Variants in ABCB5 observed in about 807,000 individuals in gnomAD.
The protein encoded by ABCB5 is ATP-binding cassette sub-family B member 5.
In ABCB5, 155 loss-of-function variants were observed where a neutral mutation model predicts 144.2. The ratio of observed to expected loss-of-function variants is 1.08; its 90% CI spans 0.94 to 1.23. ABCB5 has a LOEUF of 1.23. ABCB5 is among the 50% of genes most tolerant of loss of function. The probability of loss-of-function intolerance (pLI) is 0.00; values close to 1 mark genes in which losing one functional copy is unlikely to be tolerated. For synonymous variants in ABCB5, 610 were observed against 528.6 expected (o/e 1.15, Z -2.11); for missense variants, 1,830 against 1,520.8 (o/e 1.20, Z -3.38).
Position 20,658,590 on chromosome 7 carries a change from C to G in ABCB5, c.1621C>G (p.Arg541Gly), listed in dbSNP as rs760961508. 3 of 1,614,096 alleles carry G rather than the reference C, an allele frequency of 1.9e-6. No individual in the cohort carries two copies. The highest frequency in any genetic ancestry group is 1.7e-6 in the Non-Finnish European group (2 of 1,180,016). ...QRIAIARALV[R>G]NPKILILDEA... Reference sequence around the variant, plus strand: ...GATCGCAATTGCTCGTGCCTTAGTTCGAAACCCCAAGATTCTGATTTTAGA... The same window carrying G: ...GATCGCAATTGCTCGTGCCTTAGTTGGAAACCCCAAGATTCTGATTTTAGA... The change falls in exon 14 of 28, where the codon CGA becomes GGA. Residue 541 changes from arginine (R) to glycine (G), a missense_variant. Arg to Gly is a moderately radical substitution (Grantham distance 125). Coordinates refer to ENST00000404938, the MANE Select transcript of ABCB5 (RefSeq NM_001163941.2).
At chr7:20,714,878 T>G (rs61664241) in intron 20 of ABCB5, among the ~76,000 whole-genome samples, 17,892 of 152,200 alleles carry the variant, frequency 0.12, 1,904 homozygotes, top group African/African-American at 0.27. Flanking sequence ...ATTAGGTTGG[T>G]GTGTATAGTC....
At chr7:20,716,924 T>G (rs1781692199) in intron 20 of ABCB5, among the ~76,000 whole-genome samples, 1 of 152,080 alleles carries the variant, frequency 6.6e-6, no homozygotes, top group South Asian at 2.1e-4. Context: ...CCTTTCGCCA[T>G]CTACTCGATT....
rs1479757889 is a variant in ABCB5 at position 20,636,736 on chromosome 7, G to A, written c.314+4623G>A. Among the ~76,000 whole-genome samples, 4 of 127,270 alleles carry A rather than the reference G, an allele frequency of 3.1e-5. No homozygotes were observed. The South Asian group carries it at 9.8e-4, about 31-fold the overall frequency. The allele number at this position is 127,270 out of a possible 152,430, so 83.5% of individuals were successfully genotyped here. The stretch of plus-strand genomic sequence containing the variant: ...GGAGTTAGAGGTTGCAGTGAGCTGA[G>A]ATCACACCACTGCACTCAAGCCTCG... On this transcript the variant is annotated intron_variant, in intron 5 of 27. Coordinates refer to ENST00000404938, the MANE Select transcript of ABCB5 (RefSeq NM_001163941.2).
chr7:20,717,487 G>C (rs913096091), intron 20 of ABCB5, among the ~76,000 whole-genome samples: 13 of 148,192 alleles, frequency 8.8e-5, no homozygotes, highest in Admixed American at 2.0e-4. Flanking sequence ...CTGTCTCCCA[G>C]GCTGGACTGC....
rs1291970360 is a variant in ABCB5, at chr7:20,697,687, C to T, written c.2011-720C>T. 1.3e-5 allele frequency among the ~76,000 whole-genome samples: 2 copies of T among 152,158 alleles called. 1 individual carries two copies. The highest frequency in any genetic ancestry group is 2.9e-5 in the Non-Finnish European group (2 of 68,026). ...TGAAATTTTGTGTAACATAATCCTTCCTCTGTAATAACATCAGAAACAGCA... is the reference window on the plus strand; with the variant it reads ...TGAAATTTTGTGTAACATAATCCTTTCTCTGTAATAACATCAGAAACAGCA... On this transcript the variant is annotated intron_variant, in intron 16 of 27. Coordinates refer to ENST00000404938, the MANE Select transcript of ABCB5 (RefSeq NM_001163941.2).
intron 5 of ABCB5, among the ~76,000 whole-genome samples, chr7:20,638,657 G>C (rs1308555526): frequency 6.6e-6 from 1 of 152,126 alleles, no homozygotes; most frequent in East Asian, 1.9e-4. Flanking sequence ...TACTGTTTTT[G>C]AGGTTCATCC....
chr7:20,687,238 T>C (rs1242306382), intron 16 of ABCB5, among the ~76,000 whole-genome samples: 2 of 152,188 alleles, frequency 1.3e-5, no homozygotes, highest in Non-Finnish European at 2.9e-5. Flanking sequence ...AATCTGCCTC[T>C]AGGTCTAAAA....
At chr7:20,636,775 A>G (rs958885700) in intron 5 of ABCB5, among the ~76,000 whole-genome samples, 2 of 129,080 alleles carry the variant, frequency 1.5e-5, no homozygotes, top group Admixed American at 1.6e-4. Flanking sequence ...ACAGAGCAAG[A>G]CTCCATCAAA....
Position 20,752,997 on chromosome 7 carries a change from C to T in ABCB5, c.3430-363C>T, listed in dbSNP as rs117858790. Among the ~76,000 whole-genome samples, 166 of 152,222 alleles carry T rather than the reference C, an allele frequency of 1.1e-3. 3 individuals are homozygous for T. The East Asian group carries it at 0.029, about 27-fold the overall frequency. On this transcript the variant is annotated intron_variant, in intron 26 of 27. Coordinates refer to ENST00000404938, the MANE Select transcript of ABCB5 (RefSeq NM_001163941.2). ...AATTTCCTTGTTGTTTTTACTACTG[C>T]GAATCATTTTAACCTGAAAATAGTA...
chr7:20,643,423 A>G (rs369918100), intron 6 of ABCB5, 38 bp from the exon 7 acceptor site: 1 of 1,613,356 alleles, frequency 6.2e-7, no homozygotes, highest in African/African-American at 1.3e-5. Context: ...CATATGTGAC[A>G]TGTAAATGAC....
chr7:20,711,890 CTCCTTCCTTCCT>C (rs1164279919), intron 20 of ABCB5, among the ~76,000 whole-genome samples: 1 of 76,108 alleles, frequency 1.3e-5, no homozygotes, highest in African/African-American at 5.5e-5. Context: ...CCCTCCCTCC[CTCCTTCCTTCCT>C]TCCTTCCTTT....
rs779950110 is a variant in ABCB5, at chr7:20,658,579, G to C, written c.1610G>C (p.Arg537Pro). 3 of 1,614,010 alleles carry C rather than the reference G, an allele frequency of 1.9e-6. No individual in the cohort carries two copies. The highest frequency in any genetic ancestry group is 2.2e-5 in the South Asian group (2 of 91,080). ...CAGAAACAGAGGATCGCAATTGCTC[G>C]TGCCTTAGTTCGAAACCCCAAGATT... Reference protein sequence around the residue: ...GGQKQRIAIARALVRNPKILI... With the variant: ...GGQKQRIAIAPALVRNPKILI... The change falls in exon 14 of 28, where the codon CGT becomes CCT. Residue 537 changes from arginine to proline, a missense_variant. Arg to Pro is a moderately radical substitution (Grantham distance 103, BLOSUM62 -2). Coordinates refer to ENST00000404938, the MANE Select transcript of ABCB5 (RefSeq NM_001163941.2).
Position 20,755,901 on chromosome 7 carries a change from G to A in ABCB5, c.*277G>A, listed in dbSNP as rs1407012557. 1.7e-5 allele frequency: 6 copies of A among 355,568 alleles called. No homozygotes were observed. The highest frequency in any genetic ancestry group is 1.0e-5 in the Non-Finnish European group (2 of 193,858). 22.0% of individuals were successfully genotyped at this position (355,568 alleles called of 1,614,324 possible). ...CTTGTAAAGCAGTTTTCTACAAGGT[G>A]AATTTATTTCCCATCAACTTCTGCT... On this transcript the variant is annotated 3_prime_UTR_variant, in exon 28 of 28. Coordinates refer to ENST00000404938, the MANE Select transcript of ABCB5 (RefSeq NM_001163941.2).
intron 19 of ABCB5, among the ~76,000 whole-genome samples, chr7:20,700,980 C>T (rs889340872): frequency 5.9e-5 from 9 of 152,122 alleles, no homozygotes; most frequent in Admixed American, 5.9e-4. Context: ...TGAAGGCTGC[C>T]GTGCAACAGC....
chr7:20,692,046 TGTCCCCAAAGGAA>T (rs1786248608), intron 16 of ABCB5, among the ~76,000 whole-genome samples: 1 of 152,186 alleles, frequency 6.6e-6, no homozygotes, highest in Non-Finnish European at 1.5e-5. Context: ...TATGTACATA[TGTCCCCAAAGGAA>T]GTCCAAATCA....
At chr7:20,736,805 G>A (rs764964355) in intron 23 of ABCB5, among the ~76,000 whole-genome samples, 8 of 152,218 alleles carry the variant, frequency 5.3e-5, no homozygotes, top group Non-Finnish European at 1.0e-4. Context: ...GATTAGGTAA[G>A]GACAAATTCT....
chr7:20,644,974 G>A (rs990387882), intron 7 of ABCB5, among the ~76,000 whole-genome samples: 13 of 152,192 alleles, frequency 8.5e-5, no homozygotes. Context: ...AAGTTAGTAA[G>A]ATCAGAACCT....
chr7:20,668,490 C>T (rs563465800), intron 14 of ABCB5, among the ~76,000 whole-genome samples: 9 of 151,744 alleles, frequency 5.9e-5, no homozygotes, highest in South Asian at 4.2e-4. Context: ...GCCTGGCAAC[C>T]GCCCCGTCTG....
chr7:20,662,050 C>A (rs1243210112), intron 14 of ABCB5, among the ~76,000 whole-genome samples: 1 of 152,164 alleles, frequency 6.6e-6, no homozygotes, highest in Non-Finnish European at 1.5e-5. Flanking sequence ...CACCTGCAGG[C>A]CCCTGGGGAA....
Sources: gnomAD v4.1 joint callset for allele counts (sites outside exome capture counted in the v4.1 genomes callset) on GRCh38, gnomAD v4.1.1 for gene constraint, MANE v1.5 for transcripts, NCBI Gene and HGNC (gene_info 2026-07-23, HGNC 2026-07-21) for gene names.